The following ITPR2 variants were observed in gnomAD, a reference collection of about 807,000 sequenced individuals.
ITPR2 encodes the protein inositol 1,4,5-trisphosphate receptor type 2, also known as inositol 1,4,5-trisphosphate-gated calcium channel ITPR2.
In ITPR2, 207 loss-of-function variants were observed where a neutral mutation model predicts 317.1. The observed-to-expected ratio is 0.65, with a 90% CI of 0.58 to 0.73. The LOEUF is 0.73. Among genes scored for constraint, ITPR2 ranks in the 30% least tolerant of loss-of-function variants. The pLI is 0.00. For missense variants in ITPR2, 2,613 were observed against 3,284.0 expected, an observed-to-expected ratio of 0.80 and a Z score of 4.99; for synonymous variants, 1,156 against 1,149.1, an observed-to-expected ratio of 1.01 and a Z score of -0.12.
At chr12:26,662,721 G>A (rs1947530249) in intron 15 of ITPR2, among the ~76,000 whole-genome samples, 1 of 152,118 alleles carries the variant, frequency 6.6e-6, no homozygotes, top group African/African-American at 2.4e-5. Context: ...TGCTCAGGCT[G>A]GAGTGTACTA....
intron 49 of ITPR2, 183 bp from the exon 50 acceptor site, chr12:26,419,396 C>A: frequency 1.8e-6 from 1 of 569,834 alleles, no homozygotes; most frequent in Non-Finnish European, 2.9e-6. Context: ...TTCATAATTT[C>A]TCATTTTGTA....
intron 11 of ITPR2, among the ~76,000 whole-genome samples, chr12:26,685,555 C>T (rs1445633108): frequency 6.6e-6 from 1 of 152,024 alleles, no homozygotes; most frequent in Non-Finnish European, 1.5e-5. Flanking sequence ...CATGATTGTG[C>T]CTCTGCACTA....
chr12:26,526,788 C>T (rs1394418060), intron 37 of ITPR2, among the ~76,000 whole-genome samples: 1 of 152,124 alleles, frequency 6.6e-6, no homozygotes, highest in Non-Finnish European at 1.5e-5. Flanking sequence ...ATTCAAGAAA[C>T]ACTTATAGGT....
chr12:26,799,668 A>C (rs897008571), intron 1 of ITPR2, among the ~76,000 whole-genome samples: 2 of 152,166 alleles, frequency 1.3e-5, no homozygotes, highest in Non-Finnish European at 2.9e-5. Context: ...CTCTTTCTCC[A>C]TCTAAAATAA....
Position 26,458,463 on chromosome 12 carries a change from G to A in ITPR2, c.6343-14813C>T, listed in dbSNP as rs574264493. On this transcript the variant is annotated intron_variant, in intron 45 of 56. Coordinates refer to ENST00000381340, the MANE Select transcript of ITPR2 (RefSeq NM_002223.4). ...TACCAGGGCCTTCCAGGGGAAGCCA[G>A]AAAGGGCCTGGCTGCCTGTCACCAC... Among the ~76,000 whole-genome samples, 177 of 152,298 alleles carry A rather than the reference G, an allele frequency of 1.2e-3. 1 individual carries two copies. The highest frequency in any genetic ancestry group is 6.8e-3 in the Middle Eastern group (2 of 294).
intron 12 of ITPR2, 120 bp downstream of exon 12, chr12:26,682,454 C>T (rs1431771530): frequency 3.0e-6 from 2 of 661,526 alleles, no homozygotes; most frequent in East Asian, 5.5e-5. Context: ...AAATTAATTG[C>T]AATGATCTGT....
intron 10 of ITPR2, 150 bp from the exon 11 acceptor site, chr12:26,686,782 C>A: frequency 1.4e-6 from 1 of 699,810 alleles, no homozygotes. Context: ...CTAGCTCTAG[C>A]CCGACAGCCA....
intron 55 of ITPR2, among the ~76,000 whole-genome samples, chr12:26,378,782 A>G (rs1209616571): frequency 6.6e-6 from 1 of 152,238 alleles, no homozygotes. Context: ...CTGCAATTGT[A>G]ATAATTGTAA....
At chr12:26,345,052 C>T (rs1938261170) in intron 55 of ITPR2, among the ~76,000 whole-genome samples, 2 of 152,052 alleles carry the variant, frequency 1.3e-5, no homozygotes, top group African/African-American at 4.8e-5. Flanking sequence ...ATCTGCTGGT[C>T]TTAATCTGAG....
intron 10 of ITPR2, among the ~76,000 whole-genome samples, chr12:26,689,349 G>A (rs771918995): frequency 2.6e-5 from 4 of 152,082 alleles, no homozygotes; most frequent in East Asian, 1.9e-4. Flanking sequence ...CCCGGAGGTC[G>A]AGGCCACAGT....
Position 26,600,048 on chromosome 12 carries a change from C to G in ITPR2, c.3740G>C (p.Arg1247Pro), listed in dbSNP as rs775575901. 7 of 1,606,346 alleles carry G rather than the reference C, an allele frequency of 4.4e-6. No individual in the cohort carries two copies. The African/African-American group carries it at 8.0e-5, about 18-fold the overall frequency. ...AAGAACTTGATTCTGTGGATTTCCT[C>G]GACAGAAATTCTGCAGAAATGTATG... Reference protein sequence around the residue: ...LAHTFLQNFCRGNPQNQVLLH... With the variant: ...LAHTFLQNFCPGNPQNQVLLH... The change falls in exon 29 of 57, where the codon CGA becomes CCA. Residue 1247 changes from arginine to proline, a missense_variant. By Grantham distance (103) the Arg-to-Pro change is moderately radical. Around this residue, in one of 9 missense-constraint regions of ITPR2, gnomAD observed 817 missense variants for 897.6 expected, o/e 0.91. Coordinates refer to ENST00000381340, the MANE Select transcript of ITPR2 (RefSeq NM_002223.4).
intron 28 of ITPR2, among the ~76,000 whole-genome samples, chr12:26,601,856 C>A (rs560193314): frequency 1.6e-4 from 25 of 152,188 alleles, no homozygotes; most frequent in Admixed American, 9.8e-4. Context: ...CGTGCACCAA[C>A]AAATAGGAAG....
At chr12:26,825,090 G>A (rs932990914) in intron 1 of ITPR2, among the ~76,000 whole-genome samples, 4 of 152,070 alleles carry the variant, frequency 2.6e-5, no homozygotes, top group Admixed American at 1.3e-4. Context: ...TAAATTAGCC[G>A]AATGTGGTGG....
intron 45 of ITPR2, among the ~76,000 whole-genome samples, chr12:26,444,012 G>A (rs1210447190): frequency 6.6e-6 from 1 of 152,136 alleles, no homozygotes; most frequent in Non-Finnish European, 1.5e-5. Flanking sequence ...CAATATAAAT[G>A]TGTGTTTTTC....
At chr12:26,434,672 A>G (rs1941306948) in intron 48 of ITPR2, among the ~76,000 whole-genome samples, 1 of 152,212 alleles carries the variant, frequency 6.6e-6, no homozygotes, top group Non-Finnish European at 1.5e-5. Context: ...CAAAAGGGTT[A>G]GCCTTCTACT....
intron 10 of ITPR2, among the ~76,000 whole-genome samples, chr12:26,690,737 C>G (rs1648529462): frequency 6.6e-6 from 1 of 152,172 alleles, no homozygotes; most frequent in African/African-American, 2.4e-5. Flanking sequence ...AGTCAGGGAC[C>G]TCTCTATTTT....
rs1592046263 is a variant in ITPR2, at chr12:26,695,486, T to C, written c.996+120A>G. The C allele has an allele frequency of 6.5e-6, 5 of 774,898 alleles. No individual in the cohort carries two copies. The East Asian group carries it at 1.3e-4, about 20-fold the overall frequency. The allele number at this position is 774,898 out of a possible 1,614,324, so 48.0% of individuals were successfully genotyped here. Reference sequence around the variant, plus strand: ...CATCTTTTACCTGTGAACCATAGGCTCTACTCAGAAAATCTCTCTGAGCCC... The same window carrying C: ...CATCTTTTACCTGTGAACCATAGGCCCTACTCAGAAAATCTCTCTGAGCCC... On this transcript the variant is annotated intron_variant, in intron 10 of 56. Transcript: ENST00000381340.
chr12:26,562,522 T>C (rs769420994), intron 34 of ITPR2, among the ~76,000 whole-genome samples: 1 of 152,184 alleles, frequency 6.6e-6, no homozygotes, highest in Admixed American at 6.5e-5. Context: ...AGAATGCTTG[T>C]CACAAAGAAA....
In ITPR2 at chr12:26,404,281, A is replaced by T. The variant is rs75412960; in HGVS notation, c.7400-4023T>A. 3.6e-3 allele frequency among the ~76,000 whole-genome samples: 546 copies of T among 152,310 alleles called. 7 individuals are homozygous for T. The highest frequency in any genetic ancestry group is 0.012 in the African/African-American group (510 of 41,566). On this transcript the variant is annotated intron_variant, in intron 52 of 56. Coordinates refer to ENST00000381340, the MANE Select transcript of ITPR2 (RefSeq NM_002223.4). ...GGTGACTTAGGAAAAGGATCGTCCC[A>T]TTAGACCATAGAAATAGACCATTTA...
Sources: allele counts gnomAD v4.1 joint callset (sites outside exome capture counted in the v4.1 genomes callset), GRCh38; gene constraint gnomAD v4.1.1; regional missense constraint gnomAD v4.1.1; transcripts MANE v1.5; gene names NCBI Gene and HGNC (gene_info 2026-07-23, HGNC 2026-07-21).